SH3BGRL2: variants seen among roughly 807,000 people sequenced by gnomAD.
SH3BGRL2 encodes the protein SH3 domain-binding glutamic acid-rich-like protein 2.
In SH3BGRL2, 21 loss-of-function variants were observed where a neutral mutation model predicts 14.8. The observed-to-expected ratio is 1.42, with a 90% confidence interval of 1.01 to 2.05. The LOEUF (loss-of-function observed/expected upper bound fraction) is 2.05. SH3BGRL2 is among the 30% of genes most tolerant of loss of function. SH3BGRL2 has a pLI of 0.00. For synonymous variants in SH3BGRL2, 50 were observed against 47.8 expected (o/e 1.05, Z -0.19); for missense variants, 147 against 130.8 (o/e 1.12, Z -0.61).
the SH3BGRL2 span, among the ~76,000 whole-genome samples, chr6:79,601,144 T>G: frequency 6.6e-6 from 1 of 152,230 alleles, no homozygotes; most frequent in African/African-American, 2.4e-5. Flanking sequence ...AAGTTTTTCT[T>G]CCTTGTAAAA....
At chr6:79,648,255 C>CATATATATAT (rs60702112) in intron 1 of SH3BGRL2, among the ~76,000 whole-genome samples, 2,813 of 62,262 alleles carry the variant, frequency 0.045, 129 homozygotes, top group East Asian at 0.15. Flanking sequence ...ATTCTTTTGG[C>CATATATATAT]ATATATATAT....
rs1352783547 is a variant in SH3BGRL2, at chr6:79,699,699, G to A, written c.*190G>A. On this transcript the variant is annotated 3_prime_UTR_variant, in exon 4 of 4. Coordinates refer to ENST00000369838, the MANE Select transcript of SH3BGRL2 (RefSeq NM_031469.4). The stretch of plus-strand genomic sequence containing the variant: ...GCATGATTGCTTTAAACCAAATCAG[G>A]TGGTGGATTTTTTTTTTCTTATTCT... The A allele has an allele frequency of 2.6e-6, 2 of 757,786 alleles. No homozygotes were observed. Among genetic ancestry groups the A allele is most frequent in the Non-Finnish European group, 3.8e-6 (2 of 525,920 alleles). 46.9% of individuals were successfully genotyped at this position (757,786 alleles called of 1,614,324 possible).
At chr6:79,624,310 A>G in the SH3BGRL2 span, among the ~76,000 whole-genome samples, 1 of 149,948 alleles carries the variant, frequency 6.7e-6, no homozygotes. Context: ...ATCATAATAC[A>G]TATGTATCAT....
rs1268102884 is a variant in SH3BGRL2 at position 79,701,690 on chromosome 6, C to CTCATAACA, written c.*2181_*2182insTCATAACA. On this transcript the variant is annotated 3_prime_UTR_variant, in exon 4 of 4. Coordinates refer to ENST00000369838, the MANE Select transcript of SH3BGRL2 (RefSeq NM_031469.4). ...ACTTGTTATGAGTGAGGCAGCAGCA[C>CTCATAACA]AGTGTGTGGCATTTACATGGTACCC... The CTCATAACA allele has an allele frequency of 2.0e-5, 3 of 149,500 alleles. No homozygotes were observed. The highest frequency in any genetic ancestry group is 4.9e-5 in the African/African-American group (2 of 40,420). 9.3% of individuals were successfully genotyped at this position (149,500 alleles called of 1,614,324 possible).
chr6:79,591,698 C>T, the SH3BGRL2 span, among the ~76,000 whole-genome samples: 17 of 152,222 alleles, frequency 1.1e-4, no homozygotes, highest in Admixed American at 5.2e-4. Flanking sequence ...TGAGCCACTG[C>T]ACCCGGCCCT....
chr6:79,681,667 T>C (rs1769990238), intron 2 of SH3BGRL2, among the ~76,000 whole-genome samples: 1 of 152,196 alleles, frequency 6.6e-6, no homozygotes. Context: ...ACTAAGTATA[T>C]ACAGTTGCAG....
At chr6:79,608,518 C>G in the SH3BGRL2 span, among the ~76,000 whole-genome samples, 164 of 152,292 alleles carry the variant, frequency 1.1e-3, no homozygotes, top group African/African-American at 3.6e-3. Context: ...GTACAAAGGG[C>G]TTGGCACATG....
At chr6:79,585,361 C>G in the SH3BGRL2 span, among the ~76,000 whole-genome samples, 1 of 152,052 alleles carries the variant, frequency 6.6e-6, no homozygotes, top group Non-Finnish European at 1.5e-5. Context: ...AAATGGCAAA[C>G]TCTTGGAAAG....
chr6:79,697,017 T>C (rs1371410024), intron 3 of SH3BGRL2, among the ~76,000 whole-genome samples: 1 of 152,130 alleles, frequency 6.6e-6, no homozygotes. Context: ...AATCAAAATA[T>C]TTTGAAGCCA....
At chr6:79,575,195 A>C in the SH3BGRL2 span, 1 of 152,152 alleles carries the variant, frequency 6.6e-6, no homozygotes, top group Non-Finnish European at 1.5e-5. Flanking sequence ...TTTTTAAAAA[A>C]CTATAGTCAC....
At chr6:79,650,235 T>A (rs993179119) in intron 1 of SH3BGRL2, among the ~76,000 whole-genome samples, 5 of 152,028 alleles carry the variant, frequency 3.3e-5, no homozygotes, top group African/African-American at 1.2e-4. Flanking sequence ...ATACAAAAGT[T>A]CCCAGTGGCA....
At chr6:79,542,668 G>T in the SH3BGRL2 span, among the ~76,000 whole-genome samples, 3 of 152,194 alleles carry the variant, frequency 2.0e-5, no homozygotes, top group African/African-American at 7.2e-5. Context: ...CCAAAATGGG[G>T]CATTTAGGGA....
At chr6:79,646,984 A>G in intron 1 of SH3BGRL2, among the ~76,000 whole-genome samples, 1 of 152,242 alleles carries the variant, frequency 6.6e-6, no homozygotes, top group South Asian at 2.1e-4. Context: ...TATGATGAAT[A>G]ATGCCGCTCT....
chr6:79,619,049 ATTTTAAT>A, the SH3BGRL2 span, among the ~76,000 whole-genome samples: 1 of 151,968 alleles, frequency 6.6e-6, no homozygotes, highest in African/African-American at 2.4e-5. Context: ...CCTGTAATAA[ATTTTAAT>A]TTTTAACAGG....
the SH3BGRL2 span, among the ~76,000 whole-genome samples, chr6:79,572,686 C>T: frequency 5.9e-5 from 9 of 152,144 alleles, no homozygotes; most frequent in East Asian, 1.9e-4. Flanking sequence ...AGGATGGTCT[C>T]GATCTCCTGA....
intron 1 of SH3BGRL2, among the ~76,000 whole-genome samples, chr6:79,643,893 C>T (rs907477370): frequency 1.3e-5 from 2 of 152,132 alleles, no homozygotes; most frequent in Admixed American, 6.6e-5. Flanking sequence ...TGATTTCCTT[C>T]GAATGTGATT....
chr6:79,681,210 A>C (rs1769982286), intron 2 of SH3BGRL2, among the ~76,000 whole-genome samples: 1 of 152,210 alleles, frequency 6.6e-6, no homozygotes, highest in Non-Finnish European at 1.5e-5. Context: ...TTTTATAATG[A>C]AGAGAGAACA....
chr6:79,549,722 T>C, the SH3BGRL2 span, among the ~76,000 whole-genome samples: 1 of 152,192 alleles, frequency 6.6e-6, no homozygotes, highest in Non-Finnish European at 1.5e-5. Flanking sequence ...CCTATAAGTA[T>C]CCTAATCTCC....
the SH3BGRL2 span, among the ~76,000 whole-genome samples, chr6:79,559,732 C>A: frequency 1.3e-5 from 2 of 152,026 alleles, no homozygotes; most frequent in African/African-American, 4.8e-5. Context: ...AAGAGAACAC[C>A]CTTATTCTTA....
Sources: allele counts gnomAD v4.1 joint callset (sites outside exome capture counted in the v4.1 genomes callset), GRCh38; gene constraint gnomAD v4.1.1; transcripts MANE v1.5; gene names NCBI Gene and HGNC (gene_info 2026-07-23, HGNC 2026-07-21).